The following SASH1 variants were observed in gnomAD, a reference collection of about 807,000 sequenced individuals.
The protein encoded by SASH1 is SAM and SH3 domain containing 1.
Under a neutral mutation model 125.2 loss-of-function variants are expected in SASH1, and 44 were observed. The ratio of observed to expected loss-of-function variants is 0.35; its 90% CI spans 0.28 to 0.45. The LOEUF is 0.45. SASH1 is among the 20% of genes least tolerant of loss of function. The pLI, the probability that SASH1 is intolerant of heterozygous loss-of-function variation, is 1.00. For synonymous variants in SASH1, 639 were observed against 649.1 expected (o/e 0.98, Z 0.24); for missense variants, 1,426 against 1,614.5 (o/e 0.88, Z 2.00).
intron 6 of SASH1, among the ~76,000 whole-genome samples, chr6:148,473,902 C>T (rs1306301995): frequency 6.6e-6 from 1 of 152,192 alleles, no homozygotes; most frequent in African/African-American, 2.4e-5. Context: ...CCCACGTGTT[C>T]TGCAAGCCTG....
At chr6:148,240,516 A>T in the SASH1 span, among the ~76,000 whole-genome samples, 3 of 152,198 alleles carry the variant, frequency 2.0e-5, no homozygotes, top group Non-Finnish European at 4.4e-5. Flanking sequence ...AATAACAGTG[A>T]TGGAACCCAG....
At chr6:148,325,206 T>C (rs9498003) in intron 1 of SASH1, among the ~76,000 whole-genome samples, 8,764 of 152,192 alleles carry the variant, frequency 0.058, 286 homozygotes, top group South Asian at 0.089. Flanking sequence ...AACACGTCGT[T>C]GTTCACATGA....
chr6:148,528,995 T>C (rs1271744328), intron 12 of SASH1, among the ~76,000 whole-genome samples: 1 of 152,082 alleles, frequency 6.6e-6, no homozygotes, highest in Non-Finnish European at 1.5e-5. Flanking sequence ...GCGTGCAACC[T>C]AGATGCCTCG....
chr6:148,463,287 G>T (rs1219926623), intron 4 of SASH1, among the ~76,000 whole-genome samples: 1 of 152,018 alleles, frequency 6.6e-6, no homozygotes, highest in Non-Finnish European at 1.5e-5. Context: ...TGCGATTACA[G>T]GTGCTCTCCA....
intron 5 of SASH1, among the ~76,000 whole-genome samples, chr6:148,470,279 A>G (rs1778037078): frequency 6.6e-6 from 1 of 152,144 alleles, no homozygotes; most frequent in Non-Finnish European, 1.5e-5. Context: ...ATGTGAGGGC[A>G]TCCTGTTTTG....
At chr6:148,269,296 A>AT (rs147950858), upstream of SASH1, among the ~76,000 whole-genome samples, 4,266 of 150,096 alleles carry the variant, frequency 0.028, 133 homozygotes, top group African/African-American at 0.08. Context: ...GTCTTTTTTA[A>AT]TTTTTTTTTT....
At chr6:148,362,248 A>T in intron 1 of SASH1, among the ~76,000 whole-genome samples, 2 of 143,644 alleles carry the variant, frequency 1.4e-5, no homozygotes, top group Admixed American at 7.0e-5. Flanking sequence ...TTTGAGATGG[A>T]GTCTTGCTTT....
rs1158613922 is a variant in SASH1 at position 148,540,514 on chromosome 6, C to A, written c.2167C>A (p.Arg723=). Residue 723 remains arginine, a synonymous_variant, in exon 17 of 20, where the codon CGA becomes AGA. Coordinates refer to ENST00000367467, the MANE Select transcript of SASH1 (RefSeq NM_015278.5). ...CCAGGGCCTGAGTGGATGCTCACCC[C>A]GAGACTCAGGATGCTACGAAAGCAG... The part of the protein sequence containing the change: ...DSQGLSGCSP[R]DSGCYESSEN... The A allele has an allele frequency of 6.2e-7, 1 of 1,614,002 alleles. No homozygotes were observed. The highest frequency in any genetic ancestry group is 2.2e-5 in the East Asian group (1 of 44,864).
chr6:148,469,643 G>A (rs560165369), intron 5 of SASH1, among the ~76,000 whole-genome samples: 6 of 152,248 alleles, frequency 3.9e-5, no homozygotes, highest in Admixed American at 6.5e-5. Flanking sequence ...TGAGGTGGGC[G>A]GATCCCTTGA....
intron 10 of SASH1, among the ~76,000 whole-genome samples, chr6:148,523,577 C>T (rs1780942783): frequency 6.6e-6 from 1 of 152,130 alleles, no homozygotes; most frequent in South Asian, 2.1e-4. Context: ...GCAGCAGCAT[C>T]GGTGAATAAG....
the SASH1 span, among the ~76,000 whole-genome samples, chr6:148,193,641 T>A: frequency 6.6e-6 from 1 of 152,168 alleles, no homozygotes; most frequent in African/African-American, 2.4e-5. Flanking sequence ...TTGAATAAAG[T>A]GTTTAAATAT....
chr6:148,288,946 A>C (rs1332230699), intron 1 of SASH1, among the ~76,000 whole-genome samples: 3 of 152,134 alleles, frequency 2.0e-5, no homozygotes, highest in Admixed American at 2.0e-4. Flanking sequence ...AGACAGCTGA[A>C]TCCCACACGG....
At chr6:148,479,495 A>C (rs1164416168) in intron 7 of SASH1, 1 of 171,928 alleles carries the variant, frequency 5.8e-6, no homozygotes, top group South Asian at 1.4e-4. Flanking sequence ...AGTAGCCTTA[A>C]AGTAGCCCAC....
At chr6:148,204,694 A>G in the SASH1 span, among the ~76,000 whole-genome samples, 1 of 151,896 alleles carries the variant, frequency 6.6e-6, no homozygotes, top group East Asian at 1.9e-4. Context: ...CTGCTTCTCA[A>G]AAACAAAAAT....
At position 148,550,492 on chromosome 6, in the gene SASH1, G is replaced by A. The variant is rs1478042118; in HGVS notation, c.*1934G>A. On this transcript the variant is annotated 3_prime_UTR_variant, in exon 20 of 20. Transcript: ENST00000367467. The stretch of plus-strand genomic sequence containing the variant: ...ATGTATTTTTTTCATGCATTAGTAT[G>A]CATTTTTAAAAAATAATGCATGTTT... 6.6e-6 allele frequency: 1 copy of A among 152,110 alleles called. No individual in the cohort carries two copies. The highest frequency in any genetic ancestry group is 2.4e-5 in the African/African-American group (1 of 41,404). The allele number at this position is 152,110 out of a possible 1,614,324, so 9.4% of individuals were successfully genotyped here.
intron 18 of SASH1, among the ~76,000 whole-genome samples, chr6:148,545,624 G>A (rs555823797): frequency 3.3e-5 from 5 of 152,214 alleles, no homozygotes; most frequent in Non-Finnish European, 4.4e-5. Context: ...TGATTGAGGC[G>A]AAGGCATTGT....
the SASH1 span, among the ~76,000 whole-genome samples, chr6:148,219,746 C>G: frequency 1.3e-5 from 2 of 152,142 alleles, no homozygotes; most frequent in Non-Finnish European, 2.9e-5. Flanking sequence ...TGCAATGGTT[C>G]AATGGCAGCT....
the SASH1 span, among the ~76,000 whole-genome samples, chr6:148,262,101 T>TAC: frequency 0.041 from 6,143 of 149,824 alleles, 250 homozygotes; most frequent in Admixed American, 0.098. Context: ...ACTGCACACA[T>TAC]ACACACACAC....
At chr6:148,510,950 C>T (rs185226737) in intron 8 of SASH1, among the ~76,000 whole-genome samples, 68 of 146,550 alleles carry the variant, frequency 4.6e-4, no homozygotes, top group African/African-American at 1.7e-3. Flanking sequence ...GAGCTGAGAT[C>T]GCACCACTGC....
Sources: allele counts gnomAD v4.1 joint callset (sites outside exome capture counted in the v4.1 genomes callset), GRCh38; gene constraint gnomAD v4.1.1; transcripts MANE v1.5; gene names NCBI Gene and HGNC (gene_info 2026-07-23, HGNC 2026-07-21).